The following TDRD3 variants were observed in gnomAD, a reference collection of about 807,000 sequenced individuals.
The protein encoded by TDRD3 is tudor domain-containing protein 3.
Under a neutral mutation model 86.7 loss-of-function variants are expected in TDRD3, and 45 were observed. The ratio of observed to expected loss-of-function variants is 0.52; its 90% CI spans 0.41 to 0.67. The LOEUF (loss-of-function observed/expected upper bound fraction) is 0.67, where lower values mean the gene tolerates loss of function less well. TDRD3 is among the 30% of genes least tolerant of loss of function. TDRD3 has a pLI of 0.00. For synonymous variants in TDRD3, 298 were observed against 301.7 expected (o/e 0.99, Z 0.13); for missense variants, 814 against 889.0 (o/e 0.92, Z 1.07).
At position 60,420,454 on chromosome 13, in the gene TDRD3, G is replaced by A. The variant is rs138515493; in HGVS notation, c.42-19234G>A. Among the ~76,000 whole-genome samples, 258 of 151,850 alleles carry A rather than the reference G, an allele frequency of 1.7e-3. 1 individual carries two copies. Among genetic ancestry groups the A allele is most frequent in the Admixed American group, 4.1e-3 (62 of 15,240 alleles). On this transcript the variant is annotated intron_variant, in intron 1 of 13. Coordinates refer to ENST00000377881, the MANE Select transcript of TDRD3 (RefSeq NM_001146070.2). ...TGTTGCCTACTTCAAGTTTGTGAAG[G>A]TACTTTCTTATGCTTGCTTCCAGAA... is the stretch of plus-strand genomic sequence containing the variant.
intron 8 of TDRD3, among the ~76,000 whole-genome samples, chr13:60,506,261 C>A (rs1018483488): frequency 2.6e-5 from 4 of 152,052 alleles, no homozygotes; most frequent in African/African-American, 9.7e-5. Flanking sequence ...TTAAGAATTT[C>A]ATATCTAGAT....
At chr13:60,447,307 G>C (rs1463029145) in intron 3 of TDRD3, among the ~76,000 whole-genome samples, 1 of 152,114 alleles carries the variant, frequency 6.6e-6, no homozygotes, top group Non-Finnish European at 1.5e-5. Context: ...TCCAGACATA[G>C]GGTCATTGCC....
At chr13:60,490,992 C>T (rs1304993669) in intron 7 of TDRD3, among the ~76,000 whole-genome samples, 3 of 151,908 alleles carry the variant, frequency 2.0e-5, no homozygotes, top group Admixed American at 2.0e-4. Flanking sequence ...TGGCGCATGC[C>T]TATAATCCCA....
At chr13:60,550,041 G>A (rs1786465105) in intron 12 of TDRD3, among the ~76,000 whole-genome samples, 1 of 151,820 alleles carries the variant, frequency 6.6e-6, no homozygotes. Flanking sequence ...CTTTCTAATT[G>A]GTACCATGCC....
At chr13:60,435,918 G>GTTTTTTTTTTTTGTT (rs1955079549) in intron 1 of TDRD3, among the ~76,000 whole-genome samples, 1 of 124,774 alleles carries the variant, frequency 8.0e-6, no homozygotes, top group Non-Finnish European at 1.8e-5. Flanking sequence ...AACATCTATG[G>GTTTTTTTTTTTTGTT]TTTTTTTTTT....
At chr13:60,550,528 A>G (rs574011926) in intron 12 of TDRD3, among the ~76,000 whole-genome samples, 2 of 152,206 alleles carry the variant, frequency 1.3e-5, no homozygotes, top group South Asian at 4.1e-4. Context: ...ACTGTATTTG[A>G]TAAACTGGTA....
chr13:60,502,026 G>C (rs532483802), intron 8 of TDRD3, among the ~76,000 whole-genome samples: 2 of 152,184 alleles, frequency 1.3e-5, no homozygotes, highest in Non-Finnish European at 2.9e-5. Context: ...AAATAGTAGA[G>C]TGAGTATAGC....
intron 7 of TDRD3, 36 bp from the exon 8 acceptor site, chr13:60,494,399 C>T (rs41293432): frequency 0.058 from 91,678 of 1,581,774 alleles, 3,092 homozygotes; most frequent in Non-Finnish European, 0.066. Context: ...TAAATGCTGT[C>T]TACATACCTC....
At chr13:60,418,644 G>T (rs1325733189) in intron 1 of TDRD3, among the ~76,000 whole-genome samples, 1 of 151,854 alleles carries the variant, frequency 6.6e-6, no homozygotes, top group African/African-American at 2.4e-5. Flanking sequence ...TGTTTAGCAT[G>T]ATAGGTTTTG....
chr13:60,403,511 A>G (rs568193268), intron 1 of TDRD3, among the ~76,000 whole-genome samples: 1 of 152,368 alleles, frequency 6.6e-6, no homozygotes, highest in South Asian at 2.1e-4. Flanking sequence ...AGAATACTGA[A>G]TGCCCAGAAA....
At chr13:60,395,763 A>C (rs1157810806), upstream of TDRD3, among the ~76,000 whole-genome samples, 1 of 152,228 alleles carries the variant, frequency 6.6e-6, no homozygotes, top group Non-Finnish European at 1.5e-5. Context: ...TTTACCTTTA[A>C]AATGGCATAT....
At chr13:60,460,691 C>A in intron 4 of TDRD3, 151 bp downstream of exon 4, 1 of 701,304 alleles carries the variant, frequency 1.4e-6, no homozygotes, top group Non-Finnish European at 2.1e-6. Flanking sequence ...TGCATTTCTG[C>A]TTCACCTGTA....
chr13:60,522,515 G>C (rs1957311218), intron 10 of TDRD3, among the ~76,000 whole-genome samples: 1 of 152,064 alleles, frequency 6.6e-6, no homozygotes. Context: ...AATCCTCCGA[G>C]GTATGCTCTA....
At chr13:60,499,813 A>G (rs1368229154) in intron 8 of TDRD3, among the ~76,000 whole-genome samples, 2 of 152,202 alleles carry the variant, frequency 1.3e-5, no homozygotes, top group African/African-American at 2.4e-5. Flanking sequence ...TAGTGGGCCT[A>G]TTTGGATTTT....
intron 5 of TDRD3, 26 bp from the exon 6 acceptor site, chr13:60,483,749 C>T: frequency 1.3e-6 from 2 of 1,593,532 alleles, no homozygotes; most frequent in Admixed American, 1.7e-5. Flanking sequence ...TATAACTGCT[C>T]TTTTGTGACT....
At chr13:60,515,507 C>A (rs896425828) in intron 10 of TDRD3, among the ~76,000 whole-genome samples, 3 of 152,118 alleles carry the variant, frequency 2.0e-5, no homozygotes, top group African/African-American at 7.2e-5. Flanking sequence ...ATTATTTTGC[C>A]TGTAGCTATT....
chr13:60,511,439 T>C (rs1225806601), intron 10 of TDRD3, among the ~76,000 whole-genome samples: 1 of 152,212 alleles, frequency 6.6e-6, no homozygotes, highest in African/African-American at 2.4e-5. Flanking sequence ...GTTTGCTAGA[T>C]TATATAGAAA....
intron 1 of TDRD3, among the ~76,000 whole-genome samples, chr13:60,398,480 C>A (rs77025813): frequency 0.011 from 1,698 of 152,278 alleles, 41 homozygotes; most frequent in African/African-American, 0.039. Context: ...TTTTGCAGAA[C>A]CTACACAAGA....
chr13:60,566,655 T>C (rs1958466547), intron 12 of TDRD3, among the ~76,000 whole-genome samples: 1 of 152,164 alleles, frequency 6.6e-6, no homozygotes. Context: ...TAATTTTTTC[T>C]CTCTCTAATA....
Sources: gnomAD v4.1 joint callset for allele counts (sites outside exome capture counted in the v4.1 genomes callset) on GRCh38, gnomAD v4.1.1 for gene constraint, MANE v1.5 for transcripts, NCBI Gene and HGNC (gene_info 2026-07-23, HGNC 2026-07-21) for gene names.